The following COL13A1 variants were observed in gnomAD, a reference collection of about 807,000 sequenced individuals.
COL13A1 encodes collagen type XIII alpha 1 chain.
A neutral mutation model predicts 130.9 loss-of-function variants in COL13A1; 89 were observed. That is an observed-to-expected ratio of 0.68 (90% CI 0.57 to 0.81). COL13A1 has a LOEUF of 0.81. Ranked by LOEUF, COL13A1 falls within the 30% of genes least tolerant of loss-of-function variation. COL13A1 has a pLI of 0.00. For synonymous variants in COL13A1, 402 were observed against 341.6 expected, an observed-to-expected ratio of 1.18 and a Z score of -1.95; for missense variants, 879 against 934.6, an observed-to-expected ratio of 0.94 and a Z score of 0.78.
At chr10:69,897,160 G>A (rs2061727271) in intron 13 of COL13A1, among the ~76,000 whole-genome samples, 1 of 152,210 alleles carries the variant, frequency 6.6e-6, no homozygotes, top group South Asian at 2.1e-4. Context: ...GCACTCTGGG[G>A]AACATGTCAA....
rs753497419 is a variant in COL13A1 at position 69,894,688 on chromosome 10, A to G, written c.644A>G (p.Gln215Arg). Reference protein sequence around the residue: ...GPPGQPGPQGQKGEKGQCGEY... With the variant: ...GPPGQPGPQGRKGEKGQCGEY... Reference sequence around the variant, plus strand: ...GTCTCTTTGTAGGGACCCCAGGGACAAAAAGGAGAAAAGGTAAGAGCAGTG... The same window carrying G: ...GTCTCTTTGTAGGGACCCCAGGGACGAAAAGGAGAAAAGGTAAGAGCAGTG... Residue 215 changes from glutamine to arginine, a missense_variant, in exon 12 of 41, where the codon CAA becomes CGA. Around this residue, in one of 3 missense-constraint regions of COL13A1, gnomAD observed 715 missense variants for 721.0 expected, o/e 0.99. Transcript: ENST00000645393. The G allele has an allele frequency of 2.2e-5, 35 of 1,613,906 alleles. No individual in the cohort carries two copies. The highest frequency in any genetic ancestry group is 2.9e-5 in the Non-Finnish European group (34 of 1,179,898).
intron 13 of COL13A1, chr10:69,897,371 A>G: frequency 8.3e-7 from 1 of 1,205,346 alleles, no homozygotes; most frequent in Non-Finnish European, 1.2e-6. Flanking sequence ...TTCCCCAGGG[A>G]GGGAGAGGAG....
chr10:69,855,468 G>A (rs1454680716), intron 2 of COL13A1, among the ~76,000 whole-genome samples: 5 of 151,914 alleles, frequency 3.3e-5, no homozygotes, highest in Non-Finnish European at 5.9e-5. Context: ...ATATTATAAC[G>A]AACTAATAAC....
chr10:69,844,838 T>C (rs189090327), intron 2 of COL13A1, among the ~76,000 whole-genome samples: 2 of 152,334 alleles, frequency 1.3e-5, no homozygotes, highest in East Asian at 3.9e-4. Flanking sequence ...CTGTCAATTA[T>C]AGCAGCAATG....
intron 17 of COL13A1, among the ~76,000 whole-genome samples, chr10:69,909,021 G>T (rs2063081324): frequency 6.6e-6 from 1 of 152,178 alleles, no homozygotes; most frequent in Non-Finnish European, 1.5e-5. Context: ...GATGTGTTTA[G>T]AGAAGTCTCT....
At position 69,925,324 on chromosome 10, in the gene COL13A1, C is replaced by T. The variant is rs117457349; in HGVS notation, c.1329+317C>T. ...GGCACTTTATGTAAGCTGTGGTGAA[C>T]ATGGAGCAGCTACCTGTGGGGATAT... is the stretch of plus-strand genomic sequence containing the variant. On this transcript the variant is annotated intron_variant, in intron 25 of 40. Transcript: ENST00000645393. Among the ~76,000 whole-genome samples, 584 of 152,340 alleles carry T rather than the reference C, an allele frequency of 3.8e-3. 6 individuals carry two copies. The Middle Eastern group carries it at 0.041, about 11-fold the overall frequency.
intron 21 of COL13A1, 124 bp downstream of exon 21, chr10:69,919,851 T>C (rs1421987075): frequency 5.0e-6 from 2 of 397,366 alleles, no homozygotes; most frequent in East Asian, 3.6e-5. Context: ...TGTTCCGAGA[T>C]GAGGGGAGTG....
chr10:69,854,422 A>C (rs1296146980), intron 2 of COL13A1, among the ~76,000 whole-genome samples: 2 of 151,906 alleles, frequency 1.3e-5, no homozygotes, highest in Non-Finnish European at 2.9e-5. Flanking sequence ...TAAAACAATA[A>C]ATTAGCCAGG....
intron 1 of COL13A1, among the ~76,000 whole-genome samples, chr10:69,817,710 T>C (rs543166060): frequency 1.3e-5 from 2 of 151,860 alleles, no homozygotes; most frequent in South Asian, 4.2e-4. Flanking sequence ...GTGGTGATAA[T>C]CACTGGCCAC....
intron 2 of COL13A1, among the ~76,000 whole-genome samples, chr10:69,841,657 G>A (rs573499446): frequency 1.1e-4 from 16 of 152,246 alleles, no homozygotes; most frequent in Non-Finnish European, 2.1e-4. Context: ...ATATAAAATT[G>A]CAATAGCGAT....
chr10:69,931,237 C>A (rs886283090), intron 30 of COL13A1: 2 of 455,604 alleles, frequency 4.4e-6, no homozygotes, highest in Non-Finnish European at 8.8e-6. Flanking sequence ...CCTAATCCAG[C>A]TGGGCTCCTG....
At chr10:69,873,087 C>T (rs1057396004) in intron 4 of COL13A1, among the ~76,000 whole-genome samples, 1 of 152,186 alleles carries the variant, frequency 6.6e-6, no homozygotes, top group Non-Finnish European at 1.5e-5. Context: ...AGGTAAGATG[C>T]TGCAGCCGGT....
In COL13A1 at chr10:69,881,593, G is replaced by C. The variant is rs534196958; in HGVS notation, c.513+1040G>C. Among the ~76,000 whole-genome samples the C allele has an allele frequency of 2.0e-5, 3 of 152,354 alleles. No individual in the cohort carries two copies. The East Asian group carries it at 5.8e-4, about 29-fold the overall frequency. On this transcript the variant is annotated intron_variant, in intron 7 of 40. Transcript: ENST00000645393. ...AAAGGTAGAGCCAGTTTGAGAAGGA[G>C]AGCAGGGGCAGGAGAGCCAGGCTGG...
intron 1 of COL13A1, among the ~76,000 whole-genome samples, chr10:69,813,326 T>C (rs2763357): frequency 0.61 from 92,516 of 152,050 alleles, 28,763 homozygotes; most frequent in South Asian, 0.7. Context: ...CTTGACTCCT[T>C]GCGGCAGTAG....
chr10:69,871,014 C>G (rs961744070), intron 3 of COL13A1, among the ~76,000 whole-genome samples: 1 of 152,080 alleles, frequency 6.6e-6, no homozygotes, highest in African/African-American at 2.4e-5. Flanking sequence ...ACACAGTAAG[C>G]AAATTGCCCC....
chr10:69,915,422 C>T (rs950515188), intron 17 of COL13A1, among the ~76,000 whole-genome samples: 1 of 152,162 alleles, frequency 6.6e-6, no homozygotes, highest in Non-Finnish European at 1.5e-5. Context: ...TGAGAGAGGG[C>T]TCTGGCATTG....
intron 21 of COL13A1, 42 bp downstream of exon 21, chr10:69,919,769 C>T (rs1371712398): frequency 2.5e-6 from 1 of 398,568 alleles, no homozygotes; most frequent in African/African-American, 2.1e-5. Flanking sequence ...TTCATCCTAG[C>T]CTCACCATTC....
intron 2 of COL13A1, among the ~76,000 whole-genome samples, chr10:69,860,886 A>G (rs985610859): frequency 3.9e-5 from 6 of 152,208 alleles, no homozygotes; most frequent in African/African-American, 1.4e-4. Context: ...CCCCAGGCAT[A>G]TACCCTTACC....
At chr10:69,847,520 TCTC>T (rs1307726926) in intron 2 of COL13A1, among the ~76,000 whole-genome samples, 2 of 152,212 alleles carry the variant, frequency 1.3e-5, no homozygotes, top group Admixed American at 6.5e-5. Context: ...ACTCTGTCTC[TCTC>T]CTCCTGCTCT....
Sources: gnomAD v4.1 joint callset for allele counts (sites outside exome capture counted in the v4.1 genomes callset) on GRCh38, gnomAD v4.1.1 for gene constraint, gnomAD v4.1.1 regional missense constraint, MANE v1.5 for transcripts, NCBI Gene and HGNC (gene_info 2026-07-23, HGNC 2026-07-21) for gene names.